STIM2: variants seen among roughly 807,000 people sequenced by gnomAD.
STIM2 encodes the protein stromal interaction molecule 2.
STIM2 carries 31 observed loss-of-function variants against 85.8 expected under a neutral mutation model. The ratio of observed to expected loss-of-function variants is 0.36; its 90% CI spans 0.27 to 0.49. The LOEUF (loss-of-function observed/expected upper bound fraction) is 0.49. Among genes scored for constraint, STIM2 ranks in the 20% least tolerant of loss-of-function variants. The pLI is 0.98. For missense variants in STIM2, 841 were observed against 927.6 expected, an observed-to-expected ratio of 0.91 and a Z score of 1.21; for synonymous variants, 356 against 331.1, an observed-to-expected ratio of 1.08 and a Z score of -0.82.
chr4:26,942,863 A>G (rs995710065), intron 2 of STIM2, among the ~76,000 whole-genome samples: 11 of 152,090 alleles, frequency 7.2e-5, no homozygotes, highest in Non-Finnish European at 1.5e-4. Flanking sequence ...AGGCTTTTAC[A>G]TACCCTGTAA....
At chr4:26,976,560 C>G (rs912194307) in intron 3 of STIM2, among the ~76,000 whole-genome samples, 1 of 151,916 alleles carries the variant, frequency 6.6e-6, no homozygotes, top group East Asian at 1.9e-4. Flanking sequence ...GTAATCCCAG[C>G]AGTTTGGGAG....
intron 3 of STIM2, among the ~76,000 whole-genome samples, chr4:26,960,086 G>A (rs1344139267): frequency 2.0e-5 from 3 of 152,172 alleles, no homozygotes; most frequent in African/African-American, 7.2e-5. Context: ...TGTTGCCAGA[G>A]CACTGGTTTT....
intron 6 of STIM2, 68 bp from the exon 7 acceptor site, chr4:27,002,859 A>T: frequency 7.7e-7 from 1 of 1,306,222 alleles, no homozygotes; most frequent in Non-Finnish European, 1.0e-6. Context: ...CCCAGTATTC[A>T]TTATTTTGTA....
intron 3 of STIM2, among the ~76,000 whole-genome samples, chr4:26,981,588 T>A (rs1465359967): frequency 6.6e-6 from 1 of 152,222 alleles, no homozygotes; most frequent in Non-Finnish European, 1.5e-5. Flanking sequence ...TTTGCCCTAA[T>A]AATGGCCTTT....
At chr4:26,994,746 C>T (rs1727894491) in intron 3 of STIM2, among the ~76,000 whole-genome samples, 1 of 151,942 alleles carries the variant, frequency 6.6e-6, no homozygotes, top group African/African-American at 2.4e-5. Context: ...TTTTTACAGC[C>T]TTTTCCTCTC....
chr4:26,909,157 A>T (rs926512045), intron 1 of STIM2, among the ~76,000 whole-genome samples: 6 of 152,168 alleles, frequency 3.9e-5, no homozygotes, highest in African/African-American at 1.4e-4. Context: ...ATTTCAGGAG[A>T]CTTAGCATTG....
At chr4:26,953,372 C>G (rs1726127243) in intron 2 of STIM2, among the ~76,000 whole-genome samples, 1 of 152,016 alleles carries the variant, frequency 6.6e-6, no homozygotes, top group Non-Finnish European at 1.5e-5. Context: ...CTATGTATGC[C>G]TTTTAATTTA....
intron 11 of STIM2, chr4:27,019,624 T>A: frequency 2.0e-6 from 1 of 505,844 alleles, no homozygotes; most frequent in Non-Finnish European, 3.3e-6. Context: ...TCATTTTCAG[T>A]CTCTCCTCTA....
intron 3 of STIM2, among the ~76,000 whole-genome samples, chr4:26,988,762 G>A (rs543835863): frequency 2.4e-4 from 37 of 152,246 alleles, no homozygotes; most frequent in African/African-American, 8.7e-4. Context: ...GGTATTTAAT[G>A]AACACTTAAT....
At chr4:26,990,967 T>C (rs1727745627) in intron 3 of STIM2, among the ~76,000 whole-genome samples, 1 of 152,156 alleles carries the variant, frequency 6.6e-6, no homozygotes. Flanking sequence ...GGGGAACTCT[T>C]ACATACTATT....
Position 26,861,011 on chromosome 4 carries a change from G to A in STIM2, c.-208G>A. On this transcript the variant is annotated 5_prime_UTR_variant, in exon 1 of 12. Coordinates refer to ENST00000467087, the MANE Select transcript of STIM2 (RefSeq NM_020860.4). ...AGGCCGCCGGTGCCGATGGGACCAG[G>A]CTGGCGCCCGGCGGGAGCCCGTGTC... is the stretch of plus-strand genomic sequence containing the variant. 1 of 1,260,404 alleles carries A rather than the reference G, an allele frequency of 7.9e-7. No homozygotes were observed. 78.1% of individuals were successfully genotyped at this position (1,260,404 alleles called of 1,614,324 possible).
intron 1 of STIM2, among the ~76,000 whole-genome samples, chr4:26,915,429 T>C (rs1209397837): frequency 6.6e-6 from 1 of 152,026 alleles, no homozygotes; most frequent in Non-Finnish European, 1.5e-5. Context: ...GGGATAGGGT[T>C]TTGCCATGTT....
chr4:26,945,426 A>G (rs1322329359), intron 2 of STIM2, among the ~76,000 whole-genome samples: 1 of 152,134 alleles, frequency 6.6e-6, no homozygotes, highest in Non-Finnish European at 1.5e-5. Context: ...GTGTCTTTAT[A>G]ATGATAGATA....
At chr4:26,920,604 A>G (rs1724759809) in intron 2 of STIM2, among the ~76,000 whole-genome samples, 1 of 152,174 alleles carries the variant, frequency 6.6e-6, no homozygotes, top group African/African-American at 2.4e-5. Flanking sequence ...CTCGTGATGT[A>G]ACAGTGACAG....
chr4:26,933,250 A>G (rs1184906995), intron 2 of STIM2, among the ~76,000 whole-genome samples: 2 of 152,168 alleles, frequency 1.3e-5, no homozygotes, highest in East Asian at 3.8e-4. Context: ...TGTTCTTATG[A>G]AAACATTTTA....
At chr4:26,882,027 T>C (rs1408818746) in intron 1 of STIM2, among the ~76,000 whole-genome samples, 1 of 152,224 alleles carries the variant, frequency 6.6e-6, no homozygotes, top group Non-Finnish European at 1.5e-5. Context: ...ATAGTGTTTT[T>C]ATTGAAACAG....
intron 1 of STIM2, among the ~76,000 whole-genome samples, chr4:26,880,680 T>TAA (rs1489576786): frequency 4.2e-5 from 6 of 142,748 alleles, no homozygotes; most frequent in African/African-American, 1.3e-4. Context: ...AATATATATG[T>TAA]AAATATATAT....
At chr4:26,899,063 C>T (rs1254974629) in intron 1 of STIM2, among the ~76,000 whole-genome samples, 1 of 151,524 alleles carries the variant, frequency 6.6e-6, no homozygotes, top group Admixed American at 6.6e-5. Flanking sequence ...TCTCTTGTTC[C>T]TCACTAATGG....
At chr4:26,896,180 A>T (rs369194443) in intron 1 of STIM2, among the ~76,000 whole-genome samples, 1 of 152,194 alleles carries the variant, frequency 6.6e-6, no homozygotes, top group Admixed American at 6.5e-5. Context: ...ACTCCACAAC[A>T]TGGTAGTTTG....
Sources: allele counts gnomAD v4.1 joint callset (sites outside exome capture counted in the v4.1 genomes callset), GRCh38; gene constraint gnomAD v4.1.1; transcripts MANE v1.5; gene names NCBI Gene and HGNC (gene_info 2026-07-23, HGNC 2026-07-21).